The following GPR146 variants were observed in gnomAD, a reference collection of about 807,000 sequenced individuals.
GPR146 encodes G protein-coupled receptor 146.
For missense variants in GPR146, 381 were observed against 213.9 expected (o/e 1.78, Z -4.87); for synonymous variants, 203 against 104.3 (o/e 1.95, Z -5.77).
In GPR146 at chr7:1,059,009, CG is replaced by C; in HGVS notation, c.*495del. On this transcript the variant is annotated 3_prime_UTR_variant, in exon 2 of 2. Coordinates refer to ENST00000444847, the MANE Select transcript of GPR146 (RefSeq NM_001303473.2). The stretch of plus-strand genomic sequence containing the variant: ...GGCGGCGTGTGCTAGCAAGGCCTGC[CG>C]GGTGTGCCGCAGTCACCACAGGGTT... The C allele has an allele frequency of 2.7e-5, 5 of 182,654 alleles. 1 individual carries two copies. The highest frequency in any genetic ancestry group is 2.7e-4 in the Admixed American group (5 of 18,366). The allele number at this position is 182,654 out of a possible 1,614,324, so 11.3% of individuals were successfully genotyped here.
rs991389532 is a variant in GPR146, at chr7:1,058,727, G to A, written c.*210G>A. 6.8e-6 allele frequency: 4 copies of A among 588,006 alleles called. No individual in the cohort carries two copies. Among genetic ancestry groups the A allele is most frequent in the African/African-American group, 5.6e-5 (3 of 53,474 alleles). The allele number at this position is 588,006 out of a possible 1,614,324, so 36.4% of individuals were successfully genotyped here. A position where few individuals can be genotyped will look rare whatever the true frequency, so the allele number is the denominator to read the frequency against. Reference sequence around the variant, plus strand: ...TGGCATCTGGCTTGAGTCTCCCCGAGGCCTGTGCGTCTCCCAAACACGCAG... The same window carrying A: ...TGGCATCTGGCTTGAGTCTCCCCGAAGCCTGTGCGTCTCCCAAACACGCAG... On this transcript the variant is annotated 3_prime_UTR_variant, in exon 2 of 2. Transcript: ENST00000444847.
At chr7:1,044,772 G>C (rs1382548871) in intron 1 of GPR146, 114 bp downstream of exon 1, 1 of 152,106 alleles carries the variant, frequency 6.6e-6, no homozygotes, top group Non-Finnish European at 1.5e-5. Flanking sequence ...TGCGCTTACT[G>C]GGACCCGGGT....
Position 1,059,219 on chromosome 7 carries a change from G to A in GPR146, c.*702G>A, listed in dbSNP as rs895242390. On this transcript the variant is annotated 3_prime_UTR_variant, in exon 2 of 2. Coordinates refer to ENST00000444847, the MANE Select transcript of GPR146 (RefSeq NM_001303473.2). ...ACCTGTCCTAAATCAATTCCTCAAAGTGTGCACAAAACTAAAGAATATAAA... is the reference window on the plus strand; with the variant it reads ...ACCTGTCCTAAATCAATTCCTCAAAATGTGCACAAAACTAAAGAATATAAA... 1.2e-5 allele frequency: 2 copies of A among 167,078 alleles called. No individual in the cohort carries two copies. Among genetic ancestry groups the A allele is most frequent in the African/African-American group, 2.4e-5 (1 of 41,412 alleles). The allele number at this position is 167,078 out of a possible 1,614,324, so 10.3% of individuals were successfully genotyped here. A position where few individuals can be genotyped will look rare whatever the true frequency, so the allele number is the denominator to read the frequency against.
At position 1,057,486 on chromosome 7, in the gene GPR146, C is replaced by A. The variant is rs1359113545; in HGVS notation, c.-24-6C>A. On this transcript the variant is annotated splice_region_variant and splice_polypyrimidine_tract_variant and intron_variant, in intron 1 of 1. Coordinates refer to ENST00000444847, the MANE Select transcript of GPR146 (RefSeq NM_001303473.2). ...CGAGCTGACCACCTGTTCCTTCTTTCCGCAGGGTCGCGGAGCCTCGCCGGC... is the reference window on the plus strand; with the variant it reads ...CGAGCTGACCACCTGTTCCTTCTTTACGCAGGGTCGCGGAGCCTCGCCGGC... The A allele has an allele frequency of 1.4e-6, 1 of 735,680 alleles. No individual in the cohort carries two copies. Among genetic ancestry groups the A allele is most frequent in the South Asian group, 1.5e-5 (1 of 68,108 alleles). 45.6% of individuals were successfully genotyped at this position (735,680 alleles called of 1,614,324 possible). A position where few individuals can be genotyped will look rare whatever the true frequency, so the allele number is the denominator to read the frequency against.
At chr7:1,049,022 T>C (rs1437786221) in intron 1 of GPR146, among the ~76,000 whole-genome samples, 1 of 152,074 alleles carries the variant, frequency 6.6e-6, no homozygotes, top group Non-Finnish European at 1.5e-5. Flanking sequence ...AGTCTGAGCG[T>C]GCGCTCCCCA....
At position 1,057,978 on chromosome 7, in the gene GPR146, G is replaced by T. The variant is rs144702818; in HGVS notation, c.463G>T (p.Ala155Ser). 1.1e-4 allele frequency: 84 copies of T among 770,900 alleles called. No individual in the cohort carries two copies. The highest frequency in any genetic ancestry group is 1.9e-4 in the Non-Finnish European group (78 of 417,932). 47.8% of individuals were successfully genotyped at this position (770,900 alleles called of 1,614,324 possible). ...RHVCGFVWGG[A>S]LLTSFSSLLF... ...CGTGTGCGGCTTCGTGTGGGGTGGC[G>T]CGCTGCTGACCAGCTTCTCCTCGCT... Residue 155 changes from alanine to serine, a missense_variant, in exon 2 of 2, where the codon GCG becomes TCG. Ala to Ser is a moderately conservative substitution (Grantham distance 99). Coordinates refer to ENST00000444847, the MANE Select transcript of GPR146 (RefSeq NM_001303473.2).
intron 1 of GPR146, 74 bp downstream of exon 1, chr7:1,044,732 C>CCAAG (rs1332144842): frequency 6.6e-6 from 1 of 152,264 alleles, no homozygotes; most frequent in Non-Finnish European, 1.5e-5. Context: ...GGAGCCAGCC[C>CCAAG]CAAGCTGCTG....
Position 1,052,540 on chromosome 7 carries a change from G to A in GPR146, c.-24-4952G>A, listed in dbSNP as rs1783229912. ...AGGGCCTGGCGGAAGAAGTGGGGGAGCCAGGAAGGAGCAGCTGCCAGGGAC... is the reference window on the plus strand; with the variant it reads ...AGGGCCTGGCGGAAGAAGTGGGGGAACCAGGAAGGAGCAGCTGCCAGGGAC... On this transcript the variant is annotated intron_variant, in intron 1 of 1. Transcript: ENST00000444847. The surrounding 1 kb of genome is among the most constrained non-coding windows in gnomAD (Gnocchi z 4.2). 6.6e-6 allele frequency among the ~76,000 whole-genome samples: 1 copy of A among 152,148 alleles called. No individual in the cohort carries two copies. The highest frequency in any genetic ancestry group is 1.5e-5 in the Non-Finnish European group (1 of 68,014).
intron 1 of GPR146, among the ~76,000 whole-genome samples, chr7:1,053,792 A>T (rs374193966): frequency 9.9e-5 from 15 of 152,238 alleles, no homozygotes; most frequent in African/African-American, 3.1e-4. Flanking sequence ...GTGCCACTGC[A>T]CTCCAGCCTG....
intron 1 of GPR146, chr7:1,045,929 A>C (rs1782536405): frequency 1.3e-5 from 2 of 152,294 alleles, no homozygotes; most frequent in Admixed American, 6.5e-5. Flanking sequence ...GATGGAGGAC[A>C]GAGGAACACA....
At chr7:1,054,803 A>G (rs1783554373) in intron 1 of GPR146, among the ~76,000 whole-genome samples, 1 of 152,204 alleles carries the variant, frequency 6.6e-6, no homozygotes, top group Non-Finnish European at 1.5e-5. Flanking sequence ...CTGTGCACGG[A>G]GACACCAGAT....
intron 1 of GPR146, among the ~76,000 whole-genome samples, chr7:1,050,514 CA>C (rs1467959377): frequency 6.6e-6 from 1 of 152,244 alleles, no homozygotes; most frequent in African/African-American, 2.4e-5. Context: ...CCAGCTTCTC[CA>C]AGTCCTGAGC....
intron 1 of GPR146, among the ~76,000 whole-genome samples, chr7:1,047,731 G>A (rs1782709923): frequency 6.6e-6 from 1 of 152,250 alleles, no homozygotes; most frequent in Admixed American, 6.5e-5. Context: ...TGCAGTGCCT[G>A]GGGCCTCGCA....
Position 1,044,632 on chromosome 7 carries a change from C to A in GPR146, c.-51C>A, listed in dbSNP as rs1474419709. The stretch of plus-strand genomic sequence containing the variant: ...GCCCGAGCTGCCCGCCCGGCGGCGA[C>A]TGCGCCGGCCGCCGCCCAGCAAGCC... On this transcript the variant is annotated 5_prime_UTR_variant, in exon 1 of 2. The change creates a new upstream start codon in the 5' untranslated region. Transcript: ENST00000444847. 1 of 151,676 alleles carries A rather than the reference C, an allele frequency of 6.6e-6. No homozygotes were observed. Among genetic ancestry groups the A allele is most frequent in the South Asian group, 2.1e-4 (1 of 4,836 alleles). 9.4% of individuals were successfully genotyped at this position (151,676 alleles called of 1,614,324 possible).
Position 1,058,609 on chromosome 7 carries a change from A to G in GPR146, c.*92A>G. 1 of 637,142 alleles carries G rather than the reference A, an allele frequency of 1.6e-6. No homozygotes were observed. Among genetic ancestry groups the G allele is most frequent in the Non-Finnish European group, 2.9e-6 (1 of 347,822 alleles). 39.5% of individuals were successfully genotyped at this position (637,142 alleles called of 1,614,324 possible). On this transcript the variant is annotated 3_prime_UTR_variant, in exon 2 of 2. Coordinates refer to ENST00000444847, the MANE Select transcript of GPR146 (RefSeq NM_001303473.2). ...CCCCACATCCTTCCAGAAGGAGACG[A>G]GCTGCTGGAAGAGAAGCAGGAGGGG...
chr7:1,048,438 T>TCA (rs1020464325), intron 1 of GPR146, among the ~76,000 whole-genome samples: 1 of 151,964 alleles, frequency 6.6e-6, no homozygotes, highest in Non-Finnish European at 1.5e-5. Flanking sequence ...TCTCTCTCTC[T>TCA]CACACACACA....
intron 1 of GPR146, among the ~76,000 whole-genome samples, chr7:1,053,920 C>T (rs917993524): frequency 6.6e-6 from 1 of 152,238 alleles, no homozygotes; most frequent in African/African-American, 2.4e-5. Flanking sequence ...ACTCTCAAAC[C>T]AGCTCCTGGA....
intron 1 of GPR146, among the ~76,000 whole-genome samples, chr7:1,047,599 C>CA (rs1345423791): frequency 6.6e-6 from 1 of 152,250 alleles, no homozygotes; most frequent in Non-Finnish European, 1.5e-5. Context: ...ATTCCAGAGT[C>CA]ATTTTGAAAG....
At chr7:1,054,731 C>G (rs1304922325) in intron 1 of GPR146, among the ~76,000 whole-genome samples, 1 of 152,216 alleles carries the variant, frequency 6.6e-6, no homozygotes, top group Non-Finnish European at 1.5e-5. Context: ...CAGGAGAGCC[C>G]TCGCAGGAGG....
Sources: gnomAD v4.1 joint callset for allele counts (sites outside exome capture counted in the v4.1 genomes callset) on GRCh38, gnomAD v4.1.1 for gene constraint, Gnocchi (gnomAD v3.1) non-coding constraint, MANE v1.5 for transcripts, NCBI Gene and HGNC (gene_info 2026-07-23, HGNC 2026-07-21) for gene names.